Variants in PLXDC1 observed in about 807,000 individuals in gnomAD.
The protein encoded by PLXDC1 is plexin domain containing 1, also known as plexin domain-containing protein 1.
Under a neutral mutation model 61.3 loss-of-function variants are expected in PLXDC1, and 39 were observed. That is an observed-to-expected ratio of 0.64 (90% CI 0.49 to 0.83). The LOEUF (loss-of-function observed/expected upper bound fraction) is 0.83. Ranked by LOEUF, PLXDC1 falls within the 40% of genes least tolerant of loss-of-function variation. The pLI, the probability that PLXDC1 is intolerant of heterozygous loss-of-function variation, is 0.00. For missense variants in PLXDC1, 596 were observed against 666.5 expected, an observed-to-expected ratio of 0.89 and a Z score of 1.17; for synonymous variants, 212 against 254.5, an observed-to-expected ratio of 0.83 and a Z score of 1.59.
At chr17:39,079,274 C>A in intron 9 of PLXDC1, 110 bp from the exon 10 acceptor site, 2 of 921,982 alleles carry the variant, frequency 2.2e-6, no homozygotes, top group Non-Finnish European at 3.5e-6. Context: ...AGCCAAGGTC[C>A]CCAGGCTGAG....
At chr17:39,151,937 G>A (rs755870213), upstream of PLXDC1, among the ~76,000 whole-genome samples, 2 of 152,130 alleles carry the variant, frequency 1.3e-5, no homozygotes, top group African/African-American at 4.8e-5. The surrounding 1 kb of genome is among the most constrained non-coding windows in gnomAD (Gnocchi z 5.2). Flanking sequence ...GAGAAGGCCC[G>A]AGGACTGGAC....
chr17:39,120,037 A>C (rs567256402), intron 2 of PLXDC1, among the ~76,000 whole-genome samples: 10 of 152,302 alleles, frequency 6.6e-5, no homozygotes, highest in Admixed American at 2.0e-4. Context: ...TAGAGATCAG[A>C]AGACAGACAG....
rs117256693 is a variant in PLXDC1 at position 39,070,629 on chromosome 17, C to A, written c.1223-613G>T. Among the ~76,000 whole-genome samples the A allele has an allele frequency of 3.9e-3, 592 of 152,288 alleles. 3 individuals carry two copies. The highest frequency in any genetic ancestry group is 6.6e-3 in the East Asian group (34 of 5,188). On this transcript the variant is annotated intron_variant, in intron 12 of 13. Transcript: ENST00000315392. ...ATCACTGTCCACTCCCAGATTGTGA[C>A]CTCTTGCAGGGCAAGGATGATGTCT...
chr17:39,111,638 A>T (rs1048631717), intron 2 of PLXDC1: 5 of 151,290 alleles, frequency 3.3e-5, no homozygotes, highest in African/African-American at 9.7e-5. Flanking sequence ...GAGGACCTCC[A>T]CCCCCTGCAA....
chr17:39,152,912 A>G (rs1475811454), upstream of PLXDC1: 2 of 365,286 alleles, frequency 5.5e-6, no homozygotes, highest in Non-Finnish European at 9.7e-6. Context: ...CCTAAACCCA[A>G]TGTCCCCTTA....
intron 11 of PLXDC1, among the ~76,000 whole-genome samples, chr17:39,073,938 C>T (rs1909223149): frequency 6.6e-6 from 1 of 152,168 alleles, no homozygotes; most frequent in Non-Finnish European, 1.5e-5. Flanking sequence ...GTGAACGGCT[C>T]TTAAATCCAG....
intron 2 of PLXDC1, among the ~76,000 whole-genome samples, chr17:39,126,621 C>T (rs149672599): frequency 4.3e-4 from 65 of 152,234 alleles, no homozygotes; most frequent in Non-Finnish European, 7.9e-4. Flanking sequence ...CCTATCCCAG[C>T]GGCTCAGGGA....
intron 11 of PLXDC1, among the ~76,000 whole-genome samples, chr17:39,076,088 AAAG>A (rs1411780375): frequency 2.3e-4 from 20 of 85,524 alleles, no homozygotes; most frequent in African/African-American, 5.6e-4. Context: ...AAAAAAAAAA[AAAG>A]AAAAAAAAAA....
chr17:39,116,437 A>G (rs1053393239), intron 2 of PLXDC1, among the ~76,000 whole-genome samples: 3 of 152,102 alleles, frequency 2.0e-5, no homozygotes, highest in Non-Finnish European at 4.4e-5. Context: ...TCTGCAGCCA[A>G]TGGTGTCAAG....
chr17:39,139,891 A>T, intron 1 of PLXDC1, 59 bp from the exon 2 acceptor site: 1 of 1,500,520 alleles, frequency 6.7e-7, no homozygotes, highest in South Asian at 1.3e-5. Flanking sequence ...TCAGGAGGGG[A>T]ATCCAGCCCA....
At chr17:39,132,321 A>T (rs1911592620) in intron 2 of PLXDC1, among the ~76,000 whole-genome samples, 1 of 151,944 alleles carries the variant, frequency 6.6e-6, no homozygotes, top group African/African-American at 2.4e-5. Context: ...AGGATCTCTG[A>T]CTCAGCACAT....
intron 7 of PLXDC1, among the ~76,000 whole-genome samples, chr17:39,102,969 T>C (rs1294123643): frequency 6.6e-6 from 1 of 152,152 alleles, no homozygotes; most frequent in Non-Finnish European, 1.5e-5. Flanking sequence ...AATGCATTAG[T>C]ACTTTGGGAG....
intron 1 of PLXDC1, among the ~76,000 whole-genome samples, chr17:39,141,043 T>C (rs1911920530): frequency 1.3e-5 from 2 of 152,220 alleles, no homozygotes; most frequent in Non-Finnish European, 2.9e-5. Context: ...TTTTATTTTA[T>C]TTAAGAGATG....
intron 2 of PLXDC1, among the ~76,000 whole-genome samples, chr17:39,115,382 C>A (rs1023765390): frequency 6.6e-6 from 1 of 152,238 alleles, no homozygotes; most frequent in Non-Finnish European, 1.5e-5. Flanking sequence ...CTGCTTCAGG[C>A]CTCAGAAGTG....
Position 39,087,628 on chromosome 17 carries a change from C to G in PLXDC1, c.886G>C (p.Val296Leu), listed in dbSNP as rs369329229. ...DPSKVTSMSAVEFTPLPTCLQ... is the reference protein window; with the variant it reads ...DPSKVTSMSALEFTPLPTCLQ... ...TCACTCGGCAATGGGGTGAACTCCA[C>G]GGCCGACATGCTGGTGACCTTGCTG... Residue 296 changes from valine (V) to leucine (L), a missense_variant, in exon 8 of 14, where the codon GTG (valine) becomes CTG (leucine). Coordinates refer to ENST00000315392, the MANE Select transcript of PLXDC1 (RefSeq NM_020405.5). 6.2e-6 allele frequency: 10 copies of G among 1,613,624 alleles called. No homozygotes were observed. Among genetic ancestry groups the G allele is most frequent in the Admixed American group, 1.7e-5 (1 of 59,996 alleles).
upstream of PLXDC1, chr17:39,152,822 A>C (rs887020378): frequency 2.2e-3 from 1,309 of 602,216 alleles, 16 homozygotes; most frequent in Non-Finnish European, 1.4e-3. Flanking sequence ...GAAAGGAAAC[A>C]ACTAAAGGCT....
chr17:39,113,858 A>AC (rs997700907), intron 2 of PLXDC1, among the ~76,000 whole-genome samples: 1 of 151,694 alleles, frequency 6.6e-6, no homozygotes, highest in Non-Finnish European at 1.5e-5. Flanking sequence ...TCAAAAAAAA[A>AC]AAAAGATTGA....
chr17:39,150,872 G>T (rs763473901), intron 1 of PLXDC1, among the ~76,000 whole-genome samples: 1 of 152,196 alleles, frequency 6.6e-6, no homozygotes, highest in Non-Finnish European at 1.5e-5. Context: ...GCCTTCCCAG[G>T]CAGAGACGCT....
At chr17:39,111,409 C>T (rs1471131406) in intron 2 of PLXDC1, among the ~76,000 whole-genome samples, 1 of 152,204 alleles carries the variant, frequency 6.6e-6, no homozygotes. Context: ...CTTAGCCTCC[C>T]AAGTAGCTGG....
Sources: allele counts gnomAD v4.1 joint callset (sites outside exome capture counted in the v4.1 genomes callset), GRCh38; gene constraint gnomAD v4.1.1; non-coding constraint Gnocchi (gnomAD v3.1); transcripts MANE v1.5; gene names NCBI Gene and HGNC (gene_info 2026-07-23, HGNC 2026-07-21).